The following NDUFA12 variants were observed in gnomAD, a reference collection of about 807,000 sequenced individuals.
NDUFA12 encodes NADH dehydrogenase [ubiquinone] 1 alpha subcomplex subunit 12.
NDUFA12 carries 17 observed loss-of-function variants against 20.3 expected under a neutral mutation model. The observed-to-expected ratio is 0.84, with a 90% CI of 0.57 to 1.26. NDUFA12 has a LOEUF of 1.26. NDUFA12 is among the 50% of genes most tolerant of loss of function. The pLI, the probability that NDUFA12 is intolerant of heterozygous loss-of-function variation, is 0.00. For synonymous variants in NDUFA12, 72 were observed against 63.6 expected (o/e 1.13, Z -0.63); for missense variants, 191 against 183.7 (o/e 1.04, Z -0.23).
At chr12:94,998,568 A>G (rs1431032108) in intron 2 of NDUFA12, among the ~76,000 whole-genome samples, 5 of 152,220 alleles carry the variant, frequency 3.3e-5, no homozygotes, top group Non-Finnish European at 5.9e-5. Context: ...ATAGGATTAT[A>G]TATCTAGAAA....
At chr12:95,002,896 G>GT in intron 1 of NDUFA12, 75 bp from the exon 2 acceptor site, 1 of 1,269,606 alleles carries the variant, frequency 7.9e-7, no homozygotes, top group South Asian at 1.2e-5. Context: ...TAAAGTGAGA[G>GT]TAACAACTTT....
chr12:94,971,633 A>G lies in NDUFA12; in HGVS notation c.258-13T>C. The G allele has an allele frequency of 6.2e-7, 1 of 1,614,056 alleles. No homozygotes were observed. Among genetic ancestry groups the G allele is most frequent in the Non-Finnish European group, 8.5e-7 (1 of 1,179,958 alleles). On this transcript the variant is annotated splice_polypyrimidine_tract_variant and intron_variant, in intron 3 of 3. Coordinates refer to ENST00000327772, the MANE Select transcript of NDUFA12 (RefSeq NM_018838.5). ...AAGCCAACGATGCCTTAAAGAGGGG[A>G]AAAAACCCAAACAGTTATGAAGAGG...
intron 3 of NDUFA12, among the ~76,000 whole-genome samples, chr12:94,990,843 T>C (rs1164439573): frequency 6.6e-6 from 1 of 152,216 alleles, no homozygotes; most frequent in Non-Finnish European, 1.5e-5. Context: ...AATCTGGTTA[T>C]AGCTCAGCAA....
At chr12:95,001,284 G>A (rs1029385420) in intron 2 of NDUFA12, among the ~76,000 whole-genome samples, 1 of 134,818 alleles carries the variant, frequency 7.4e-6, no homozygotes, top group African/African-American at 2.6e-5. Flanking sequence ...CAGCCTAGGC[G>A]ACAGTGAGAC....
chr12:94,982,907 T>C (rs1160686767), intron 3 of NDUFA12, among the ~76,000 whole-genome samples: 1 of 152,178 alleles, frequency 6.6e-6, no homozygotes, highest in Non-Finnish European at 1.5e-5. Context: ...CATATTCTCC[T>C]AACCCTTAAT....
In NDUFA12 at chr12:95,003,654, G is replaced by A. The variant is rs11554615; in HGVS notation, c.27C>T (p.Arg9=). MELVQVLK[R]GLQQITGHGG... is the part of the protein sequence containing the mutation. ...CGTGGCCGGTGATCTGCTGCAGCCC[G>A]CGTTTCAGGACCTGCACTAACTCCA... Residue 9 remains arginine (R), a synonymous_variant, in exon 1 of 4, where the codon CGC becomes CGT. Transcript: ENST00000327772. 155 of 1,614,004 alleles carry A rather than the reference G, an allele frequency of 9.6e-5. No individual in the cohort carries two copies. Among genetic ancestry groups the A allele is most frequent in the Middle Eastern group, 3.3e-4 (2 of 6,082 alleles).
intron 3 of NDUFA12, among the ~76,000 whole-genome samples, chr12:94,973,414 C>T (rs549181062): frequency 2.6e-5 from 4 of 152,284 alleles, no homozygotes; most frequent in East Asian, 1.9e-4. Flanking sequence ...CCTTATGAGA[C>T]GATAGTGGTG....
At chr12:94,975,522 C>T (rs1874038647) in intron 3 of NDUFA12, among the ~76,000 whole-genome samples, 1 of 152,114 alleles carries the variant, frequency 6.6e-6, no homozygotes, top group African/African-American at 2.4e-5. Context: ...TGGTATAGCC[C>T]TTCTAGAGGG....
intron 3 of NDUFA12, among the ~76,000 whole-genome samples, chr12:94,981,164 T>C (rs1205789346): frequency 6.6e-6 from 1 of 152,190 alleles, no homozygotes; most frequent in Non-Finnish European, 1.5e-5. Flanking sequence ...GCACGGTAGT[T>C]CACACCTGTA....
At chr12:94,994,359 GTGA>G (rs1565818511) in intron 2 of NDUFA12, 102 bp from the exon 3 acceptor site, 1 of 859,404 alleles carries the variant, frequency 1.2e-6, no homozygotes, top group African/African-American at 1.7e-5. Context: ...AAGACTTTTT[GTGA>G]TCTTATATAA....
intron 3 of NDUFA12, among the ~76,000 whole-genome samples, chr12:94,973,354 C>T (rs1424120111): frequency 6.6e-6 from 1 of 152,098 alleles, no homozygotes; most frequent in Non-Finnish European, 1.5e-5. Context: ...GTGAAAGTGA[C>T]CTGGACCAAT....
At chr12:94,979,214 C>T (rs1397730205) in intron 3 of NDUFA12, among the ~76,000 whole-genome samples, 3 of 152,008 alleles carry the variant, frequency 2.0e-5, no homozygotes, top group Non-Finnish European at 2.9e-5. Context: ...ACTCCATCCT[C>T]GGCAACAGAG....
At chr12:94,986,738 G>A (rs571594699) in intron 3 of NDUFA12, among the ~76,000 whole-genome samples, 1 of 152,172 alleles carries the variant, frequency 6.6e-6, no homozygotes, top group South Asian at 2.1e-4. Flanking sequence ...GCTGGAGTGA[G>A]CTGTGAAAGC....
intron 3 of NDUFA12, among the ~76,000 whole-genome samples, chr12:94,992,339 G>A (rs2136068604): frequency 6.6e-6 from 1 of 152,296 alleles, no homozygotes; most frequent in South Asian, 2.1e-4. Context: ...TATAGACAAT[G>A]AGACTAACCC....
intron 2 of NDUFA12, among the ~76,000 whole-genome samples, chr12:95,000,307 G>A (rs771862189): frequency 1.6e-4 from 24 of 152,056 alleles, no homozygotes; most frequent in Non-Finnish European, 3.2e-4. Context: ...TGATATAAAG[G>A]ACTTTGGGGA....
chr12:94,976,624 T>A (rs1874073626), intron 3 of NDUFA12, among the ~76,000 whole-genome samples: 1 of 152,216 alleles, frequency 6.6e-6, no homozygotes, highest in Admixed American at 6.5e-5. Context: ...CTTTGTGAAC[T>A]TTTTTCTGAT....
rs138248098 is a variant in NDUFA12 at position 94,978,015 on chromosome 12, G to A, written c.258-6395C>T. ...ACAGCTAGTGCAGAGACTGAGTTGG[G>A]AGTATGTTCACTGTTCAAGGAAAAG... On this transcript the variant is annotated intron_variant, in intron 3 of 3. Coordinates refer to ENST00000327772, the MANE Select transcript of NDUFA12 (RefSeq NM_018838.5). 4.9e-4 allele frequency among the ~76,000 whole-genome samples: 74 copies of A among 151,036 alleles called. 1 individual carries two copies. The Middle Eastern group carries it at 0.018, about 36-fold the overall frequency.
chr12:94,985,181 C>G (rs554582820), intron 3 of NDUFA12, among the ~76,000 whole-genome samples: 1 of 151,722 alleles, frequency 6.6e-6, no homozygotes, highest in Admixed American at 6.6e-5. Context: ...TTAAATTAGT[C>G]GGGCATGGTG....
chr12:94,992,488 C>T (rs998759544), intron 3 of NDUFA12, among the ~76,000 whole-genome samples: 3 of 152,142 alleles, frequency 2.0e-5, no homozygotes, highest in Non-Finnish European at 4.4e-5. Context: ...ATTACACATC[C>T]CAATATATAC....
Sources: allele counts gnomAD v4.1 joint callset (sites outside exome capture counted in the v4.1 genomes callset), GRCh38; gene constraint gnomAD v4.1.1; transcripts MANE v1.5; gene names NCBI Gene and HGNC (gene_info 2026-07-23, HGNC 2026-07-21).